The following DSCAML1 variants were observed in gnomAD, a reference collection of about 807,000 sequenced individuals.
DSCAML1 encodes the protein cell adhesion molecule DSCAML1.
In DSCAML1, 38 loss-of-function variants were observed where a neutral mutation model predicts 200.5. That is an observed-to-expected ratio of 0.19 (90% CI 0.15 to 0.25). DSCAML1 has a LOEUF of 0.25. Among genes scored for constraint, DSCAML1 ranks in the 10% least tolerant of loss-of-function variants. The pLI is 1.00. For synonymous variants in DSCAML1, 1,215 were observed against 1,165.0 expected, an observed-to-expected ratio of 1.04 and a Z score of -0.87; for missense variants, 2,223 against 2,858.8, an observed-to-expected ratio of 0.78 and a Z score of 5.07.
At chr11:117,672,881 G>A (rs1242918458) in intron 3 of DSCAML1, among the ~76,000 whole-genome samples, 1 of 152,182 alleles carries the variant, frequency 6.6e-6, no homozygotes, top group Non-Finnish European at 1.5e-5. Flanking sequence ...ATTTACCTAT[G>A]TCTGGAAGTA....
chr11:117,701,126 C>T (rs187116117), intron 3 of DSCAML1, among the ~76,000 whole-genome samples: 6 of 152,198 alleles, frequency 3.9e-5, no homozygotes, highest in Admixed American at 1.3e-4. Context: ...ATTAGCCGGG[C>T]ATGGTGGCGT....
At chr11:117,668,126 T>C (rs2053018588) in intron 3 of DSCAML1, among the ~76,000 whole-genome samples, 1 of 152,246 alleles carries the variant, frequency 6.6e-6, no homozygotes, top group African/African-American at 2.4e-5. Context: ...TGATTCACTC[T>C]TTTAAAAATA....
chr11:117,808,322 C>T (rs1288225389), intron 1 of DSCAML1, among the ~76,000 whole-genome samples: 2 of 152,246 alleles, frequency 1.3e-5, no homozygotes, highest in African/African-American at 4.8e-5. Flanking sequence ...TCTGCCGACA[C>T]ATTCCTATGG....
intron 3 of DSCAML1, among the ~76,000 whole-genome samples, chr11:117,593,089 C>G (rs763285506): frequency 6.6e-6 from 1 of 152,252 alleles, no homozygotes; most frequent in Non-Finnish European, 1.5e-5. Flanking sequence ...AAACAAGAGG[C>G]TGTCCCTGTT....
chr11:117,663,663 T>C (rs942178366), intron 3 of DSCAML1, among the ~76,000 whole-genome samples: 2 of 152,140 alleles, frequency 1.3e-5, no homozygotes, highest in Non-Finnish European at 2.9e-5. Flanking sequence ...GCCCTTTCCC[T>C]ACAGGGATTG....
At chr11:117,438,296 TGA>T (rs1308629663) in intron 24 of DSCAML1, among the ~76,000 whole-genome samples, 3 of 127,736 alleles carry the variant, frequency 2.3e-5, no homozygotes, top group Non-Finnish European at 4.8e-5. Flanking sequence ...CAAAACACTG[TGA>T]GGGCCTGGGG....
intron 3 of DSCAML1, among the ~76,000 whole-genome samples, chr11:117,714,209 GTTA>G (rs929451484): frequency 2.7e-4 from 41 of 152,268 alleles, no homozygotes; most frequent in Non-Finnish European, 2.6e-4. Context: ...TGGCCTTACT[GTTA>G]TTATGGTTTG....
chr11:117,637,537 G>A (rs2052317168), intron 3 of DSCAML1, among the ~76,000 whole-genome samples: 1 of 152,032 alleles, frequency 6.6e-6, no homozygotes, highest in Admixed American at 6.6e-5. Context: ...AGTAGAGACG[G>A]GGTTTCACCA....
At chr11:117,698,885 G>C (rs1186997695) in intron 3 of DSCAML1, among the ~76,000 whole-genome samples, 1 of 152,188 alleles carries the variant, frequency 6.6e-6, no homozygotes, top group Non-Finnish European at 1.5e-5. Context: ...GGGAGAAGAA[G>C]GTATTCCATT....
At chr11:117,536,948 T>C (rs1300171049) in intron 3 of DSCAML1, among the ~76,000 whole-genome samples, 1 of 152,216 alleles carries the variant, frequency 6.6e-6, no homozygotes, top group Non-Finnish European at 1.5e-5. Context: ...TTTACGTACA[T>C]TATCTCATTT....
intron 31 of DSCAML1, 84 bp downstream of exon 31, chr11:117,431,450 G>C: frequency 7.6e-7 from 1 of 1,311,148 alleles, no homozygotes. Flanking sequence ...CTGGTGGGTA[G>C]AAGCTGGGAA....
intron 11 of DSCAML1, among the ~76,000 whole-genome samples, chr11:117,496,270 TTC>T (rs1486651381): frequency 6.6e-6 from 1 of 152,150 alleles, no homozygotes; most frequent in African/African-American, 2.4e-5. Flanking sequence ...AATCTTGCCT[TTC>T]TCTCTGTTAG....
At chr11:117,689,425 C>T (rs2053458977) in intron 3 of DSCAML1, among the ~76,000 whole-genome samples, 1 of 152,184 alleles carries the variant, frequency 6.6e-6, no homozygotes, top group Non-Finnish European at 1.5e-5. Context: ...GATTTGTAGG[C>T]ACGCTGAAAT....
chr11:117,646,661 C>T (rs1440436018), intron 3 of DSCAML1, among the ~76,000 whole-genome samples: 1 of 152,168 alleles, frequency 6.6e-6, no homozygotes, highest in East Asian at 1.9e-4. Context: ...TGGTTAGTGA[C>T]ATCGTGTTGG....
intron 3 of DSCAML1, among the ~76,000 whole-genome samples, chr11:117,663,266 A>G (rs2052899816): frequency 6.6e-6 from 1 of 152,118 alleles, no homozygotes; most frequent in South Asian, 2.1e-4. Flanking sequence ...CCTTGCTGTC[A>G]TGGCTCCACC....
intron 3 of DSCAML1, among the ~76,000 whole-genome samples, chr11:117,604,576 G>A (rs188558547): frequency 6.6e-5 from 10 of 152,318 alleles, no homozygotes; most frequent in South Asian, 6.2e-4. Context: ...GTGGCAAGGC[G>A]GCCAGCTCAT....
chr11:117,626,052 G>A (rs1252934833), intron 3 of DSCAML1, among the ~76,000 whole-genome samples: 2 of 152,188 alleles, frequency 1.3e-5, no homozygotes, highest in Non-Finnish European at 2.9e-5. Flanking sequence ...TGTGCAGCTG[G>A]GTTTCCCACA....
At chr11:117,429,618 C>T (rs183089446) in intron 32 of DSCAML1, among the ~76,000 whole-genome samples, 2 of 152,188 alleles carry the variant, frequency 1.3e-5, no homozygotes, top group African/African-American at 2.4e-5. Flanking sequence ...AGGTGATCCG[C>T]CTGCCTTGGC....
At chr11:117,659,844 G>A (rs762390143) in intron 3 of DSCAML1, among the ~76,000 whole-genome samples, 15 of 152,038 alleles carry the variant, frequency 9.9e-5, no homozygotes, top group Non-Finnish European at 1.9e-4. Context: ...TCAGCCTCCC[G>A]AGTAGCTGGG....
Sources: allele counts gnomAD v4.1 joint callset (sites outside exome capture counted in the v4.1 genomes callset), GRCh38; gene constraint gnomAD v4.1.1; transcripts MANE v1.5; gene names NCBI Gene and HGNC (gene_info 2026-07-23, HGNC 2026-07-21).